STK32B: variants seen among roughly 807,000 people sequenced by gnomAD.
STK32B encodes serine/threonine kinase 32B.
Under a neutral mutation model 52.6 loss-of-function variants are expected in STK32B, and 43 were observed. The observed-to-expected ratio is 0.82, with a 90% CI of 0.64 to 1.05. The LOEUF (loss-of-function observed/expected upper bound fraction) is 1.05, where lower values mean the gene tolerates loss of function less well. STK32B is among the 50% of genes least tolerant of loss of function. The pLI is 0.00. For synonymous variants in STK32B, 238 were observed against 204.3 expected (o/e 1.17, Z -1.41); for missense variants, 621 against 534.6 (o/e 1.16, Z -1.59).
rs754616928 is a variant in STK32B, at chr4:5,051,818, G to A, written c.-46G>A. ...TGCGCGCGTCCCACATCCCGCATCC[G>A]GCATCCCAGCGGCCGGGCATGTAGC... On this transcript the variant is annotated 5_prime_UTR_variant, in exon 1 of 12. Coordinates refer to ENST00000282908, the MANE Select transcript of STK32B (RefSeq NM_018401.3). 6 of 1,567,820 alleles carry A rather than the reference G, an allele frequency of 3.8e-6. No individual in the cohort carries two copies. The highest frequency in any genetic ancestry group is 5.2e-6 in the Non-Finnish European group (6 of 1,157,318).
intron 11 of STK32B, among the ~76,000 whole-genome samples, chr4:5,476,600 T>G (rs1718260916): frequency 1.3e-5 from 2 of 151,970 alleles, no homozygotes; most frequent in Non-Finnish European, 2.9e-5. Context: ...AACCCTGTGT[T>G]GTGAGTTGAA....
intron 3 of STK32B, among the ~76,000 whole-genome samples, chr4:5,273,994 A>C (rs909538883): frequency 6.6e-6 from 1 of 151,920 alleles, no homozygotes; most frequent in African/African-American, 2.4e-5. Flanking sequence ...AGTATAATAA[A>C]AAAAAAGAAA....
intron 2 of STK32B, among the ~76,000 whole-genome samples, chr4:5,152,880 C>T (rs545086678): frequency 6.6e-5 from 10 of 152,322 alleles, no homozygotes; most frequent in South Asian, 2.1e-4. Flanking sequence ...GTTTTCTGCT[C>T]GGTGAGATCA....
chr4:5,048,191 G>A (rs777493330), upstream of STK32B, among the ~76,000 whole-genome samples: 12 of 151,796 alleles, frequency 7.9e-5, no homozygotes, highest in African/African-American at 2.4e-4. Context: ...GTGCAGTGAC[G>A]CAATCTTGGC....
Position 5,287,928 on chromosome 4 carries a change from T to C in STK32B, c.261-43292T>C, listed in dbSNP as rs201953908. Among the ~76,000 whole-genome samples the C allele has an allele frequency of 3.7e-3, 566 of 152,264 alleles. 12 individuals carry two copies. The East Asian group carries it at 0.07, about 19-fold the overall frequency. ...TTAGCAGTCACTGTTGATTCCCTGCTCCTCCTAGCCCCCAGAAACCACTAA... is the reference window on the plus strand; with the variant it reads ...TTAGCAGTCACTGTTGATTCCCTGCCCCTCCTAGCCCCCAGAAACCACTAA... On this transcript the variant is annotated intron_variant, in intron 3 of 11. Transcript: ENST00000282908.
At chr4:5,180,774 G>A (rs1208849543) in intron 3 of STK32B, among the ~76,000 whole-genome samples, 1 of 152,082 alleles carries the variant, frequency 6.6e-6, no homozygotes, top group East Asian at 1.9e-4. Flanking sequence ...TTTTGCTGAC[G>A]TGCTCTACAA....
At chr4:5,037,945 G>T in the STK32B span, among the ~76,000 whole-genome samples, 4 of 152,124 alleles carry the variant, frequency 2.6e-5, no homozygotes, top group Non-Finnish European at 4.4e-5. Context: ...GGGACGGAAG[G>T]GGGAGGGAGT....
At chr4:5,049,046 G>A (rs1336279457), upstream of STK32B, among the ~76,000 whole-genome samples, 4 of 152,206 alleles carry the variant, frequency 2.6e-5, no homozygotes, top group Admixed American at 6.5e-5. Context: ...AATTCCAGCC[G>A]TGTGGAACAT....
chr4:5,445,618 C>G (rs980702893), intron 6 of STK32B, among the ~76,000 whole-genome samples: 68 of 152,306 alleles, frequency 4.5e-4, no homozygotes, highest in East Asian at 9.6e-4. Context: ...GGGTCCACCA[C>G]TCTTGGGCCT....
intron 6 of STK32B, among the ~76,000 whole-genome samples, chr4:5,437,448 G>A (rs986249887): frequency 9.2e-5 from 14 of 152,190 alleles, no homozygotes; most frequent in African/African-American, 2.2e-4. Flanking sequence ...TCACATGGCC[G>A]TCTTCTCTGT....
At chr4:5,348,378 G>A (rs890994602) in intron 4 of STK32B, among the ~76,000 whole-genome samples, 2 of 152,142 alleles carry the variant, frequency 1.3e-5, no homozygotes, top group African/African-American at 4.8e-5. Context: ...AGCCACACCA[G>A]ACTGCATTCT....
chr4:5,278,946 C>T (rs1430208110), intron 3 of STK32B, among the ~76,000 whole-genome samples: 1 of 152,060 alleles, frequency 6.6e-6, no homozygotes, highest in East Asian at 1.9e-4. Flanking sequence ...GGAAATCTGC[C>T]CCCATGATCC....
At chr4:5,348,504 G>A (rs1402234438) in intron 4 of STK32B, among the ~76,000 whole-genome samples, 2 of 152,140 alleles carry the variant, frequency 1.3e-5, no homozygotes, top group East Asian at 1.9e-4. Context: ...GACACCACCC[G>A]ACCTCTAGTA....
Position 5,161,653 on chromosome 4 carries a change from C to T in STK32B, c.109-6646C>T, listed in dbSNP as rs117832599. Among the ~76,000 whole-genome samples, 148 of 152,188 alleles carry T rather than the reference C, an allele frequency of 9.7e-4. 2 individuals are homozygous for T. In the East Asian group the frequency reaches 0.026, roughly 27 times the overall value. ...TTGCTGGCTGTAAGTGTGTATAGAA[C>T]GGATCACATTGCTTTCTTGAAGTAA... On this transcript the variant is annotated intron_variant, in intron 2 of 11. Transcript: ENST00000282908.
At chr4:5,377,308 A>T (rs1165624963) in intron 4 of STK32B, among the ~76,000 whole-genome samples, 1 of 152,206 alleles carries the variant, frequency 6.6e-6, no homozygotes, top group African/African-American at 2.4e-5. Context: ...AATATTAAGA[A>T]CTTACCTTCA....
chr4:5,379,845 G>A (rs114656742), intron 4 of STK32B, among the ~76,000 whole-genome samples: 1,754 of 152,276 alleles, frequency 0.012, 21 homozygotes, highest in South Asian at 0.058. Flanking sequence ...TTAAGCCCCC[G>A]GTTCGTGGTG....
At chr4:5,088,328 G>A (rs894506415) in intron 1 of STK32B, among the ~76,000 whole-genome samples, 3 of 151,962 alleles carry the variant, frequency 2.0e-5, no homozygotes, top group South Asian at 2.1e-4. Flanking sequence ...GTAGAAGGAT[G>A]GTTACCAGAG....
chr4:5,196,326 T>G (rs1184960110), intron 3 of STK32B, among the ~76,000 whole-genome samples: 1 of 138,326 alleles, frequency 7.2e-6, no homozygotes, highest in Non-Finnish European at 1.5e-5. Context: ...TCCTCTCTTC[T>G]TTCTTCAGTT....
chr4:5,039,937 C>T, the STK32B span, among the ~76,000 whole-genome samples: 10 of 152,300 alleles, frequency 6.6e-5, no homozygotes, highest in African/African-American at 1.9e-4. Context: ...AGGCAGTAGG[C>T]GGTCCAGGTC....
Sources: allele counts gnomAD v4.1 joint callset (sites outside exome capture counted in the v4.1 genomes callset), GRCh38; gene constraint gnomAD v4.1.1; transcripts MANE v1.5; gene names NCBI Gene and HGNC (gene_info 2026-07-23, HGNC 2026-07-21).